Variants in MDGA2 observed in about 807,000 individuals in gnomAD.
MDGA2 encodes MAM domain-containing glycosylphosphatidylinositol anchor protein 2.
A neutral mutation model predicts 117.8 loss-of-function variants in MDGA2; 40 were observed. The observed-to-expected ratio is 0.34, with a 90% confidence interval of 0.26 to 0.44. The LOEUF is 0.44. Ranked by LOEUF, MDGA2 falls within the 20% of genes least tolerant of loss-of-function variation. The pLI, the probability that MDGA2 is intolerant of heterozygous loss-of-function variation, is 1.00. For missense variants in MDGA2, 1,123 were observed against 1,250.6 expected (o/e 0.90, Z 1.54); for synonymous variants, 452 against 439.0 (o/e 1.03, Z -0.37).
intron 6 of MDGA2, among the ~76,000 whole-genome samples, chr14:47,090,397 T>G (rs984568253): frequency 6.6e-6 from 1 of 151,816 alleles, no homozygotes; most frequent in Non-Finnish European, 1.5e-5. Flanking sequence ...AAAAAAATGC[T>G]GAAATAATTC....
At chr14:47,131,239 C>T (rs370308884) in intron 5 of MDGA2, among the ~76,000 whole-genome samples, 1 of 151,882 alleles carries the variant, frequency 6.6e-6, no homozygotes, top group African/African-American at 2.4e-5. Context: ...AGTTTCAATC[C>T]TATTAATGTT....
intron 8 of MDGA2, among the ~76,000 whole-genome samples, chr14:47,018,146 T>A (rs561172755): frequency 2.1e-5 from 1 of 46,702 alleles, no homozygotes; most frequent in African/African-American, 5.6e-5. Flanking sequence ...GGTAATTGAC[T>A]TTTTTTTTCC....
chr14:47,530,709 A>G (rs1004733007), intron 1 of MDGA2, among the ~76,000 whole-genome samples: 9 of 152,130 alleles, frequency 5.9e-5, no homozygotes, highest in African/African-American at 1.4e-4. Flanking sequence ...CGACCTGCCA[A>G]TCTGCCTGGG....
chr14:46,969,953 T>C (rs751493413), intron 8 of MDGA2, among the ~76,000 whole-genome samples: 8,042 of 38,906 alleles, frequency 0.21, 353 homozygotes, highest in Non-Finnish European at 0.27. Context: ...TATATATATA[T>C]ATATATATAT....
intron 9 of MDGA2, among the ~76,000 whole-genome samples, chr14:46,931,859 T>C (rs1260575382): frequency 6.6e-6 from 1 of 152,174 alleles, no homozygotes; most frequent in African/African-American, 2.4e-5. Context: ...GTAATCAATT[T>C]AATTGTAGTC....
At chr14:47,099,308 T>G (rs1303395163) in intron 5 of MDGA2, among the ~76,000 whole-genome samples, 1 of 152,010 alleles carries the variant, frequency 6.6e-6, no homozygotes, top group Non-Finnish European at 1.5e-5. Flanking sequence ...TATAAGGCTT[T>G]GCTTAAGAAC....
intron 3 of MDGA2, among the ~76,000 whole-genome samples, chr14:47,158,735 G>A (rs1053133202): frequency 6.6e-6 from 1 of 152,170 alleles, no homozygotes; most frequent in Non-Finnish European, 1.5e-5. Context: ...GATTACAGGC[G>A]TGAGCAACGC....
chr14:47,212,294 A>G (rs1885913860), intron 3 of MDGA2, among the ~76,000 whole-genome samples: 1 of 152,198 alleles, frequency 6.6e-6, no homozygotes, highest in Non-Finnish European at 1.5e-5. Flanking sequence ...AAGTGTGAGT[A>G]TAAACCTAGT....
At chr14:47,393,680 T>C (rs1891945881) in intron 1 of MDGA2, among the ~76,000 whole-genome samples, 1 of 152,118 alleles carries the variant, frequency 6.6e-6, no homozygotes, top group Admixed American at 6.6e-5. Flanking sequence ...CAAAATTTTA[T>C]AAGCTTCAAA....
intron 8 of MDGA2, among the ~76,000 whole-genome samples, chr14:46,983,128 T>C (rs1203936147): frequency 6.6e-6 from 1 of 152,052 alleles, no homozygotes; most frequent in African/African-American, 2.4e-5. Flanking sequence ...AAAAAACTGA[T>C]GCAAAAATAT....
intron 4 of MDGA2, among the ~76,000 whole-genome samples, chr14:47,139,831 C>T (rs1407225868): frequency 2.1e-5 from 3 of 143,068 alleles, no homozygotes; most frequent in Non-Finnish European, 3.0e-5. Flanking sequence ...TATATATACA[C>T]ATATATATAT....
At chr14:47,348,600 G>T (rs1188494281) in intron 1 of MDGA2, among the ~76,000 whole-genome samples, 1 of 151,840 alleles carries the variant, frequency 6.6e-6, no homozygotes, top group Non-Finnish European at 1.5e-5. Flanking sequence ...TTCTCGAGAA[G>T]GCAAAAAGGG....
chr14:46,873,784 T>A, intron 13 of MDGA2, 193 bp from the exon 14 acceptor site: 1 of 576,784 alleles, frequency 1.7e-6, no homozygotes, highest in Non-Finnish European at 2.8e-6. Flanking sequence ...TCTACCAAAT[T>A]AAAGATAAAA....
intron 1 of MDGA2, among the ~76,000 whole-genome samples, chr14:47,336,861 G>C (rs1028783407): frequency 6.6e-6 from 1 of 151,536 alleles, no homozygotes; most frequent in African/African-American, 2.4e-5. Context: ...TTTTTGACTT[G>C]TTCACCATTT....
intron 11 of MDGA2, among the ~76,000 whole-genome samples, chr14:46,879,669 G>T (rs1248831563): frequency 6.6e-6 from 1 of 151,976 alleles, no homozygotes; most frequent in African/African-American, 2.4e-5. Flanking sequence ...ATTAACTTTA[G>T]CAAAGAAGTA....
chr14:47,580,100 A>G (rs1185920022), intron 1 of MDGA2, among the ~76,000 whole-genome samples: 1 of 152,050 alleles, frequency 6.6e-6, no homozygotes, highest in East Asian at 1.9e-4. Flanking sequence ...GCTCTATTGA[A>G]TACTCTCCAA....
chr14:47,529,455 C>T (rs1347106825), intron 1 of MDGA2, among the ~76,000 whole-genome samples: 1 of 151,992 alleles, frequency 6.6e-6, no homozygotes, highest in East Asian at 1.9e-4. Flanking sequence ...GAAGTATCCC[C>T]CCCCTCAGGT....
intron 9 of MDGA2, among the ~76,000 whole-genome samples, chr14:46,946,847 G>T (rs947597049): frequency 6.6e-6 from 1 of 152,056 alleles, no homozygotes; most frequent in Non-Finnish European, 1.5e-5. Context: ...TGATTTTTCA[G>T]TGTCAACAAC....
intron 1 of MDGA2, among the ~76,000 whole-genome samples, chr14:47,554,016 G>A (rs1463520102): frequency 2.0e-5 from 3 of 151,944 alleles, no homozygotes; most frequent in Non-Finnish European, 4.4e-5. Flanking sequence ...TCCACCCCCC[G>A]TTATCATTTA....
Sources: gnomAD v4.1 joint callset for allele counts (sites outside exome capture counted in the v4.1 genomes callset) on GRCh38, gnomAD v4.1.1 for gene constraint, MANE v1.5 for transcripts, NCBI Gene and HGNC (gene_info 2026-07-23, HGNC 2026-07-21) for gene names.